EXOC6: variants seen among roughly 807,000 people sequenced by gnomAD.
The protein encoded by EXOC6 is SEC15-like 1.
EXOC6 carries 60 observed loss-of-function variants against 112.5 expected under a neutral mutation model. The ratio of observed to expected loss-of-function variants is 0.53; its 90% CI spans 0.43 to 0.66. The LOEUF (loss-of-function observed/expected upper bound fraction) is 0.66, where lower values mean the gene tolerates loss of function less well. EXOC6 is among the 30% of genes least tolerant of loss of function. The pLI is 0.00. For missense variants in EXOC6, 855 were observed against 957.1 expected, an observed-to-expected ratio of 0.89 and a Z score of 1.41; for synonymous variants, 295 against 308.0, an observed-to-expected ratio of 0.96 and a Z score of 0.44.
At chr10:92,874,205 ACTTAC>A (rs1848586566) in intron 1 of EXOC6, among the ~76,000 whole-genome samples, 1 of 152,310 alleles carries the variant, frequency 6.6e-6, no homozygotes, top group Admixed American at 6.5e-5. Flanking sequence ...ATTTTAGGAT[ACTTAC>A]CTTAACTTCA....
intron 18 of EXOC6, among the ~76,000 whole-genome samples, chr10:92,980,719 C>T (rs1228739935): frequency 6.6e-6 from 1 of 152,142 alleles, no homozygotes; most frequent in Non-Finnish European, 1.5e-5. Context: ...GTAATTTTAT[C>T]TCTAAATTAG....
intron 18 of EXOC6, among the ~76,000 whole-genome samples, chr10:92,976,061 C>G (rs1486142599): frequency 7.0e-6 from 1 of 143,636 alleles, no homozygotes; most frequent in Admixed American, 6.8e-5. Flanking sequence ...GGGGGGTCAG[C>G]CCCCCGCCCG....
At chr10:92,836,817 T>G (rs772376744) in intron 1 of EXOC6, among the ~76,000 whole-genome samples, 1 of 151,946 alleles carries the variant, frequency 6.6e-6, no homozygotes, top group Non-Finnish European at 1.5e-5. Flanking sequence ...AATACGAGGG[T>G]TGAAAAATAA....
At chr10:92,873,275 A>G (rs989712435) in intron 1 of EXOC6, among the ~76,000 whole-genome samples, 1 of 152,204 alleles carries the variant, frequency 6.6e-6, no homozygotes, top group Non-Finnish European at 1.5e-5. Flanking sequence ...ATGTTCATTA[A>G]TGATCATCAG....
At chr10:92,918,235 A>G (rs142012563) in intron 7 of EXOC6, among the ~76,000 whole-genome samples, 2,131 of 152,168 alleles carry the variant, frequency 0.014, 26 homozygotes, top group Middle Eastern at 0.031. Flanking sequence ...TTTAGCTACT[A>G]TCATAGGAAC....
rs570937850 is a variant in EXOC6 at position 92,965,297 on chromosome 10, G to C, written c.1774-8756G>C. ...ATATGTTTTAAAAAGTTCCTCAGGT[G>C]GGTTCTGTTGCACACCTATGGTTGG... On this transcript the variant is annotated intron_variant, in intron 17 of 21. Transcript: ENST00000260762. Among the ~76,000 whole-genome samples, 4 of 152,156 alleles carry C rather than the reference G, an allele frequency of 2.6e-5. No individual in the cohort carries two copies. In the South Asian group the frequency reaches 6.2e-4, roughly 24 times the overall value.
chr10:92,883,094 A>T (rs1308151552), intron 1 of EXOC6, among the ~76,000 whole-genome samples: 20 of 152,214 alleles, frequency 1.3e-4, no homozygotes, highest in Admixed American at 1.3e-3. Flanking sequence ...TGTATGTCCT[A>T]TTCTGAAAGA....
chr10:92,911,938 C>T (rs1475367), intron 6 of EXOC6, among the ~76,000 whole-genome samples: 152 of 136,178 alleles, frequency 1.1e-3, no homozygotes, highest in Middle Eastern at 3.6e-3. Flanking sequence ...TCTCTGTGTG[C>T]GTGTGTGTGT....
chr10:92,935,939 A>G, intron 12 of EXOC6, 54 bp downstream of exon 12: 1 of 1,120,186 alleles, frequency 8.9e-7, no homozygotes, highest in Non-Finnish European at 1.3e-6. Flanking sequence ...AAACATACAA[A>G]ATATAGGCTA....
intron 20 of EXOC6, among the ~76,000 whole-genome samples, chr10:93,049,480 A>G (rs1163840094): frequency 1.3e-5 from 2 of 152,250 alleles, no homozygotes; most frequent in African/African-American, 4.8e-5. Context: ...GAATGAAGTA[A>G]TAATGCATGC....
At chr10:92,973,133 A>G (rs2134084570) in intron 17 of EXOC6, among the ~76,000 whole-genome samples, 1 of 152,338 alleles carries the variant, frequency 6.6e-6, no homozygotes, top group East Asian at 1.9e-4. Flanking sequence ...CAGGTCAAAT[A>G]AAGACATCCC....
chr10:92,897,501 T>C (rs1379360630), intron 4 of EXOC6, among the ~76,000 whole-genome samples: 1 of 152,188 alleles, frequency 6.6e-6, no homozygotes, highest in African/African-American at 2.4e-5. Context: ...AAAGTCAAGC[T>C]GGGAACTGTG....
intron 5 of EXOC6, among the ~76,000 whole-genome samples, chr10:92,905,303 T>C (rs1274758699): frequency 2.0e-5 from 3 of 152,110 alleles, no homozygotes; most frequent in East Asian, 1.9e-4. Flanking sequence ...ATTGTTGATA[T>C]TCACAAAATA....
intron 18 of EXOC6, among the ~76,000 whole-genome samples, chr10:92,990,175 T>C (rs1843171392): frequency 6.6e-6 from 1 of 152,228 alleles, no homozygotes; most frequent in Non-Finnish European, 1.5e-5. Context: ...TGATTTTCAC[T>C]ACTAGATGTT....
intron 19 of EXOC6, 27 bp from the exon 20 acceptor site, chr10:93,014,167 A>G (rs1245200423): frequency 6.4e-7 from 1 of 1,573,812 alleles, no homozygotes; most frequent in Non-Finnish European, 8.7e-7. Flanking sequence ...TCTCATTTTT[A>G]TTCTTTTTTT....
At chr10:92,992,230 G>A (rs1483172729) in intron 18 of EXOC6, among the ~76,000 whole-genome samples, 2 of 141,442 alleles carry the variant, frequency 1.4e-5, no homozygotes, top group African/African-American at 2.6e-5. Context: ...TGGAGGTTGC[G>A]TGAGCCGAGA....
chr10:92,841,778 A>G (rs555797725), intron 1 of EXOC6, among the ~76,000 whole-genome samples: 19 of 152,342 alleles, frequency 1.2e-4, no homozygotes, highest in Non-Finnish European at 2.6e-4. Context: ...CCAGAAGGAT[A>G]TGGGTTCAAA....
chr10:93,049,097 G>A (rs1023045066), intron 20 of EXOC6, among the ~76,000 whole-genome samples: 95 of 149,366 alleles, frequency 6.4e-4, no homozygotes, highest in Non-Finnish European at 1.1e-3. Context: ...TCGCTCTGTC[G>A]CCCAGGCTGG....
At chr10:93,009,719 A>G (rs929106064) in intron 19 of EXOC6, among the ~76,000 whole-genome samples, 1 of 152,226 alleles carries the variant, frequency 6.6e-6, no homozygotes, top group African/African-American at 2.4e-5. Context: ...GGATCAAAGC[A>G]TCATGGAAAG....
Sources: gnomAD v4.1 joint callset for allele counts (sites outside exome capture counted in the v4.1 genomes callset) on GRCh38, gnomAD v4.1.1 for gene constraint, MANE v1.5 for transcripts, NCBI Gene and HGNC (gene_info 2026-07-23, HGNC 2026-07-21) for gene names.